The following LGI1 variants were observed in gnomAD, a reference collection of about 807,000 sequenced individuals.
LGI1 encodes leucine-rich glioma-inactivated protein 1.
LGI1 carries 11 observed loss-of-function variants against 57.7 expected under a neutral mutation model. That is an observed-to-expected ratio of 0.19 (90% CI 0.12 to 0.32). The LOEUF (loss-of-function observed/expected upper bound fraction) is 0.32, where lower values mean the gene tolerates loss of function less well. Ranked by LOEUF, LGI1 falls within the 10% of genes least tolerant of loss-of-function variation. The probability of loss-of-function intolerance (pLI) is 1.00; values close to 1 mark genes in which losing one functional copy is unlikely to be tolerated. For missense variants in LGI1, 422 were observed against 661.9 expected, an observed-to-expected ratio of 0.64 and a Z score of 3.98; for synonymous variants, 222 against 241.9, an observed-to-expected ratio of 0.92 and a Z score of 0.76.
At chr10:93,792,633 G>A (rs910902352) in intron 5 of LGI1, 110 bp from the exon 6 acceptor site, 21 of 1,124,894 alleles carry the variant, frequency 1.9e-5, no homozygotes. Context: ...TATAGGGCAG[G>A]ATGCAACGCC....
intron 2 of LGI1, among the ~76,000 whole-genome samples, chr10:93,766,200 C>T (rs1228471086): frequency 6.6e-6 from 1 of 152,088 alleles, no homozygotes; most frequent in Non-Finnish European, 1.5e-5. Flanking sequence ...TCTCATGGAG[C>T]AAGGATTGGA....
At position 93,758,761 on chromosome 10, in the gene LGI1, T is replaced by A; in HGVS notation, c.217T>A (p.Ser73Thr). 6.2e-7 allele frequency: 1 copy of A among 1,610,620 alleles called. No individual in the cohort carries two copies. The highest frequency in any genetic ancestry group is 1.1e-5 in the South Asian group (1 of 91,032). ...TTTCTCTTTTTTGTTTTCTTTCAGATCCTTTGTGAGATCTGGTTTTACTGA... is the reference window on the plus strand; with the variant it reads ...TTTCTCTTTTTTGTTTTCTTTCAGAACCTTTGTGAGATCTGGTTTTACTGA... The part of the protein sequence containing the change: ...RTVPPDVISL[S>T]FVRSGFTEIS... The change falls in exon 2 of 8, where the codon TCC (serine) becomes ACC (threonine). Residue 73 changes from serine to threonine, a missense_variant and splice_region_variant. Transcript: ENST00000371418. This position sits in a 1 kb window ranked among gnomAD's most constrained non-coding sequence, Gnocchi z 4.7.
In LGI1 at chr10:93,792,730, G is replaced by A. The variant is rs771540601; in HGVS notation, c.504-13G>A. The A allele has an allele frequency of 6.2e-7, 1 of 1,613,824 alleles. No homozygotes were observed. Among genetic ancestry groups the A allele is most frequent in the South Asian group, 1.1e-5 (1 of 91,074 alleles). On this transcript the variant is annotated splice_polypyrimidine_tract_variant and intron_variant, in intron 5 of 7. Transcript: ENST00000371418. ...CCCTTGTACAGCAAAAGCAGCTGAAGTTTGTCTTTCAGGGACCTGAGGGGT... is the reference window on the plus strand; with the variant it reads ...CCCTTGTACAGCAAAAGCAGCTGAAATTTGTCTTTCAGGGACCTGAGGGGT...
chr10:93,758,501 T>A lies in LGI1; in HGVS notation c.215+142T>A. 1 of 907,218 alleles carries A rather than the reference T, an allele frequency of 1.1e-6. No homozygotes were observed. The highest frequency in any genetic ancestry group is 1.8e-6 in the Non-Finnish European group (1 of 569,450). The allele number at this position is 907,218 out of a possible 1,614,324, so 56.2% of individuals were successfully genotyped here. ...TTGGCCATTTGACAGTGCTAACATT[T>A]GCTGCATTTAGAATTTTTGATTTTT... On this transcript the variant is annotated intron_variant, in intron 1 of 7. Transcript: ENST00000371418. The surrounding 1 kb of genome is among the most constrained non-coding windows in gnomAD (Gnocchi z 4.7).
intron 5 of LGI1, chr10:93,791,306 G>C (rs1031261122): frequency 1.3e-5 from 2 of 152,206 alleles, no homozygotes; most frequent in Non-Finnish European, 2.9e-5. Flanking sequence ...TGGGAGACTA[G>C]GTCAGTTCTG....
chr10:93,759,392 A>G (rs1331639068), intron 2 of LGI1: 2 of 162,856 alleles, frequency 1.2e-5, no homozygotes, highest in African/African-American at 4.8e-5. Flanking sequence ...TTAATATAGG[A>G]TAGTGCAAAG....
At chr10:93,769,680 A>G (rs1422090438) in intron 2 of LGI1, 1 of 152,244 alleles carries the variant, frequency 6.6e-6, no homozygotes, top group Non-Finnish European at 1.5e-5. Context: ...TAAACATACA[A>G]TAATAACTGG....
intron 6 of LGI1, 96 bp downstream of exon 6, chr10:93,793,008 C>T (rs1195117995): frequency 3.7e-6 from 5 of 1,348,880 alleles, no homozygotes; most frequent in Non-Finnish European, 3.1e-6. Context: ...ATCTTAAAAA[C>T]TAGCTGAGCA....
chr10:93,787,385 C>G (rs2059899737), intron 4 of LGI1, among the ~76,000 whole-genome samples: 1 of 152,184 alleles, frequency 6.6e-6, no homozygotes, highest in South Asian at 2.1e-4. Flanking sequence ...CATTCCACAG[C>G]CCATCGGGCC....
chr10:93,774,281 T>G (rs879920740), intron 2 of LGI1, among the ~76,000 whole-genome samples: 3 of 151,940 alleles, frequency 2.0e-5, no homozygotes, highest in Non-Finnish European at 4.4e-5. Flanking sequence ...TTAACCAGAA[T>G]CTCCAGGAGT....
chr10:93,794,362 CTT>C (rs71031540), intron 7 of LGI1, among the ~76,000 whole-genome samples: 75 of 101,180 alleles, frequency 7.4e-4, no homozygotes, highest in African/African-American at 2.7e-3. Context: ...CTGGATCTCT[CTT>C]TTTTTTTTTT....
chr10:93,782,240 G>A (rs1246656911), intron 4 of LGI1, among the ~76,000 whole-genome samples: 1 of 152,302 alleles, frequency 6.6e-6, no homozygotes, highest in East Asian at 1.9e-4. Context: ...CCTCAGATCA[G>A]TTCCTCGGCT....
intron 2 of LGI1, among the ~76,000 whole-genome samples, chr10:93,773,948 G>A (rs575081869): frequency 3.9e-5 from 6 of 152,290 alleles, no homozygotes; most frequent in East Asian, 1.9e-4. Context: ...TCAGAGTAAC[G>A]AGGTCATTTG....
intron 2 of LGI1, among the ~76,000 whole-genome samples, chr10:93,776,366 T>C (rs983230349): frequency 1.3e-5 from 2 of 152,196 alleles, no homozygotes; most frequent in African/African-American, 4.8e-5. Context: ...CATCAACTCA[T>C]GCCAATTCTT....
chr10:93,787,241 C>T (rs77673981), intron 4 of LGI1, among the ~76,000 whole-genome samples: 7,507 of 152,222 alleles, frequency 0.049, 260 homozygotes, highest in African/African-American at 0.1. Flanking sequence ...TTTTTGGTAG[C>T]GGAGCATCAG....
chr10:93,792,805 G>A lies in LGI1; in HGVS notation c.566G>A (p.Gly189Asp). 6.2e-7 allele frequency: 1 copy of A among 1,614,022 alleles called. No individual in the cohort carries two copies. Residue 189 changes from glycine to aspartate, a missense_variant, in exon 6 of 8, where the codon GGC (glycine) becomes GAC (aspartate). Physicochemically the swap from Gly to Asp is moderately conservative, Grantham distance 94. This residue lies in a region of LGI1 where 301 missense variants were observed against 461.7 expected (regional missense o/e 0.65). Coordinates refer to ENST00000371418, the MANE Select transcript of LGI1 (RefSeq NM_005097.4). ...CKLKWLVEWL[G>D]HTNATVEDIY... ...CTGAAATGGCTAGTGGAATGGCTTG[G>A]CCACACCAATGCAACTGTTGAAGAC... is the stretch of plus-strand genomic sequence containing the variant.
chr10:93,762,124 G>C (rs1368428225), intron 2 of LGI1, among the ~76,000 whole-genome samples: 2 of 152,172 alleles, frequency 1.3e-5, no homozygotes, highest in African/African-American at 4.8e-5. Flanking sequence ...TTTTCAGGGA[G>C]TGATTTCCAG....
At chr10:93,759,492 C>G (rs1470813625) in intron 2 of LGI1, among the ~76,000 whole-genome samples, 2 of 152,138 alleles carry the variant, frequency 1.3e-5, no homozygotes, top group East Asian at 1.9e-4. Flanking sequence ...TAATATTTGA[C>G]TAAGAAATCA....
chr10:93,774,776 T>A lies in LGI1; in HGVS notation c.288-2603T>A, dbSNP rs1278841415. 6.6e-5 allele frequency among the ~76,000 whole-genome samples: 10 copies of A among 152,204 alleles called. 1 individual carries two copies. The highest frequency in any genetic ancestry group is 1.3e-4 in the Non-Finnish European group (9 of 68,036). On this transcript the variant is annotated intron_variant, in intron 2 of 7. Transcript: ENST00000371418. ...GCACGGTTTCCCTTAACAGAGACTGTGGAATACTTTAACATATCTGGTTCA... is the reference window on the plus strand; with the variant it reads ...GCACGGTTTCCCTTAACAGAGACTGAGGAATACTTTAACATATCTGGTTCA...
Sources: gnomAD v4.1 joint callset for allele counts (sites outside exome capture counted in the v4.1 genomes callset) on GRCh38, gnomAD v4.1.1 for gene constraint, gnomAD v4.1.1 regional missense constraint, Gnocchi (gnomAD v3.1) non-coding constraint, MANE v1.5 for transcripts, NCBI Gene and HGNC (gene_info 2026-07-23, HGNC 2026-07-21) for gene names.